RAB25: variants seen among roughly 807,000 people sequenced by gnomAD.
RAB25 encodes ras-related protein Rab-25.
Under a neutral mutation model 25.2 loss-of-function variants are expected in RAB25, and 23 were observed. The observed-to-expected ratio is 0.91, with a 90% confidence interval of 0.66 to 1.29. The LOEUF (loss-of-function observed/expected upper bound fraction) is 1.29, where lower values mean the gene tolerates loss of function less well. Among genes scored for constraint, RAB25 ranks in the 50% most tolerant of loss-of-function variants. RAB25 has a pLI of 0.00. For synonymous variants in RAB25, 102 were observed against 111.5 expected (o/e 0.91, Z 0.54); for missense variants, 244 against 277.3 (o/e 0.88, Z 0.85).
In RAB25 at chr1:156,061,375, A is replaced by G; in HGVS notation, c.-26A>G. The G allele has an allele frequency of 6.2e-7, 1 of 1,613,574 alleles. No homozygotes were observed. Among genetic ancestry groups the G allele is most frequent in the Non-Finnish European group, 8.5e-7 (1 of 1,179,540 alleles). Reference sequence around the variant, plus strand: ...ATTTGTCGCCTCTGTCCCCGAAGACACCTGCACCCTCCATGCGGAGCCAAG... The same window carrying G: ...ATTTGTCGCCTCTGTCCCCGAAGACGCCTGCACCCTCCATGCGGAGCCAAG... On this transcript the variant is annotated 5_prime_UTR_variant, in exon 1 of 5. Coordinates refer to ENST00000361084, the MANE Select transcript of RAB25 (RefSeq NM_020387.4).
intron 1 of RAB25, among the ~76,000 whole-genome samples, chr1:156,065,614 T>C (rs561829853): frequency 6.6e-6 from 1 of 152,232 alleles, no homozygotes; most frequent in Admixed American, 6.5e-5. Context: ...ATGACACTCA[T>C]AAAGAGCCCA....
In RAB25 at chr1:156,061,193, C is replaced by A. The variant is rs557037341; in HGVS notation, c.-208C>A. The A allele has an allele frequency of 1.2e-4, 63 of 541,492 alleles. No individual in the cohort carries two copies. Among genetic ancestry groups the A allele is most frequent in the South Asian group, 6.9e-4 (29 of 42,000 alleles). The allele number at this position is 541,492 out of a possible 1,614,324, so 33.5% of individuals were successfully genotyped here. ...CCGTCCTCTCTGCTTCCTTACAGCA[C>A]CCCCACCTGCCAGAGCTGATCCTCC... On this transcript the variant is annotated 5_prime_UTR_variant, in exon 1 of 5. Transcript: ENST00000361084.
intron 2 of RAB25, 114 bp downstream of exon 2, chr1:156,066,220 G>C: frequency 2.2e-6 from 2 of 901,054 alleles, no homozygotes; most frequent in East Asian, 2.9e-5. Context: ...GTGGGCTCTG[G>C]GGGGTGGGGA....
chr1:156,070,304 C>T lies in RAB25; in HGVS notation c.*17C>T. 1 of 1,610,250 alleles carries T rather than the reference C, an allele frequency of 6.2e-7. No individual in the cohort carries two copies. The highest frequency in any genetic ancestry group is 1.1e-5 in the South Asian group (1 of 90,900). On this transcript the variant is annotated 3_prime_UTR_variant, in exon 5 of 5. Coordinates refer to ENST00000361084, the MANE Select transcript of RAB25 (RefSeq NM_020387.4). ...AGCCTCTGACCTTGGCCAGCACCAC[C>T]TGCCCCCACTGGCTTTTTGGTGCCC...
chr1:156,066,992 T>G (rs561711176), intron 2 of RAB25, among the ~76,000 whole-genome samples: 6 of 150,894 alleles, frequency 4.0e-5, no homozygotes, highest in African/African-American at 1.2e-4. Flanking sequence ...TCCCAGCACT[T>G]TGGGAGGCCG....
chr1:156,065,874 T>C (rs780395614), intron 1 of RAB25, 37 bp from the exon 2 acceptor site: 1 of 1,515,116 alleles, frequency 6.6e-7, no homozygotes, highest in Non-Finnish European at 9.0e-7. Context: ...GGAGCTGCTC[T>C]ACCCCATGCT....
At chr1:156,069,606 A>G (rs1291413046) in intron 3 of RAB25, 65 bp from the exon 4 acceptor site, 3 of 1,282,174 alleles carry the variant, frequency 2.3e-6, no homozygotes, top group Admixed American at 1.7e-5. Flanking sequence ...TATAGCAAAC[A>G]TTAATATTAT....
At position 156,068,278 on chromosome 1, in the gene RAB25, G is replaced by A. The variant is rs772216501; in HGVS notation, c.248G>A (p.Arg83His). Reference sequence around the variant, plus strand: ...TTCTCATTCCCACCCAGGTACTATCGTGGTGCAGTGGGGGCCCTCCTGGTG... The same window carrying A: ...TTCTCATTCCCACCCAGGTACTATCATGGTGCAGTGGGGGCCCTCCTGGTG... ...RYRAITSAYY[R>H]GAVGALLVFD... The change falls in exon 3 of 5, where the codon CGT becomes CAT. Residue 83 changes from arginine (R) to histidine (H), a missense_variant. Coordinates refer to ENST00000361084, the MANE Select transcript of RAB25 (RefSeq NM_020387.4). The A allele has an allele frequency of 8.7e-6, 14 of 1,611,714 alleles. No individual in the cohort carries two copies. The highest frequency in any genetic ancestry group is 4.5e-5 in the East Asian group (2 of 44,826).
intron 1 of RAB25, 147 bp from the exon 2 acceptor site, chr1:156,065,764 T>C (rs2102770059): frequency 1.8e-6 from 1 of 568,796 alleles, no homozygotes. Flanking sequence ...TTATGCAGAG[T>C]TGCAGACTCC....
At chr1:156,069,947 C>T in intron 4 of RAB25, 196 bp downstream of exon 4, 1 of 860,080 alleles carries the variant, frequency 1.2e-6, no homozygotes, top group Non-Finnish European at 1.9e-6. Context: ...GAACAGGCCA[C>T]ACTCCCCATG....
chr1:156,066,006 G>T lies in RAB25; in HGVS notation c.139G>T (p.Val47Phe). The change falls in exon 2 of 5, where the codon GTT becomes TTT. Residue 47 changes from valine to phenylalanine, a missense_variant. Physicochemically the swap from Val to Phe is conservative, Grantham distance 50 (BLOSUM62 -1). Transcript: ENST00000361084. ...CCACGACAGCCGCACCACCATCGGGGTTGAGTTCTCCACCCGCACTGTGAT... is the reference window on the plus strand; with the variant it reads ...CCACGACAGCCGCACCACCATCGGGTTTGAGTTCTCCACCCGCACTGTGAT... Reference protein sequence around the residue: ...FSHDSRTTIGVEFSTRTVMLG... With the variant: ...FSHDSRTTIGFEFSTRTVMLG... 6.2e-7 allele frequency: 1 copy of T among 1,614,014 alleles called. No homozygotes were observed. The highest frequency in any genetic ancestry group is 8.5e-7 in the Non-Finnish European group (1 of 1,179,898).
chr1:156,065,978 C>T lies in RAB25; in HGVS notation c.111C>T (p.Phe37=). ...TCTCCCGATTCACGCGCAATGAGTT[C>T]AGCCACGACAGCCGCACCACCATCG... ...NLLSRFTRNE[F]SHDSRTTIGV... Residue 37 remains phenylalanine (F), a synonymous_variant, in exon 2 of 5, where the codon TTC becomes TTT. Transcript: ENST00000361084. 1 of 1,614,006 alleles carries T rather than the reference C, an allele frequency of 6.2e-7. No individual in the cohort carries two copies. The highest frequency in any genetic ancestry group is 1.1e-5 in the South Asian group (1 of 91,068).
chr1:156,062,214 A>C (rs764406973), intron 1 of RAB25, among the ~76,000 whole-genome samples: 7 of 152,172 alleles, frequency 4.6e-5, no homozygotes, highest in Non-Finnish European at 1.0e-4. Flanking sequence ...ATACATAGGG[A>C]AGACAGAAAA....
At position 156,070,418 on chromosome 1, in the gene RAB25, A is replaced by G; in HGVS notation, c.*131A>G. On this transcript the variant is annotated 3_prime_UTR_variant, in exon 5 of 5. Transcript: ENST00000361084. ...CTGTTCACAGCACCCTCAGGGTCTT[A>G]AGGTCTTCATGCCCTATCACAAATA... 8.1e-7 allele frequency: 1 copy of G among 1,229,776 alleles called. No individual in the cohort carries two copies. Among genetic ancestry groups the G allele is most frequent in the Non-Finnish European group, 1.1e-6 (1 of 889,394 alleles). 76.2% of individuals were successfully genotyped at this position (1,229,776 alleles called of 1,614,324 possible). A position where few individuals can be genotyped will look rare whatever the true frequency, so the allele number is the denominator to read the frequency against.
At chr1:156,068,611 T>C (rs1647821671) in intron 3 of RAB25, 148 bp downstream of exon 3, 2 of 650,646 alleles carry the variant, frequency 3.1e-6, no homozygotes, top group East Asian at 5.6e-5. Context: ...CCTCAGGATT[T>C]CCCAGCACTT....
At chr1:156,069,178 A>G (rs1361732242) in intron 3 of RAB25, among the ~76,000 whole-genome samples, 1 of 151,818 alleles carries the variant, frequency 6.6e-6, no homozygotes, top group East Asian at 1.9e-4. Context: ...CAATTTCCTT[A>G]TTCTTTTTCT....
At chr1:156,062,012 C>A (rs1469806849) in intron 1 of RAB25, among the ~76,000 whole-genome samples, 11 of 151,820 alleles carry the variant, frequency 7.2e-5, no homozygotes, top group Admixed American at 7.2e-4. Context: ...CTGGAACTGA[C>A]CTCATGATCC....
Position 156,068,251 on chromosome 1 carries a change from C to T in RAB25, c.240-19C>T, listed in dbSNP as rs779379077. The T allele has an allele frequency of 2.5e-6, 4 of 1,595,106 alleles. No individual in the cohort carries two copies. The South Asian group carries it at 4.4e-5, about 18-fold the overall frequency. ...TGCCTCTGATCGTATCTCTGTCCAT[C>T]CTTCTCATTCCCACCCAGGTACTAT... On this transcript the variant is annotated intron_variant, in intron 2 of 4. Transcript: ENST00000361084.
intron 1 of RAB25, among the ~76,000 whole-genome samples, chr1:156,064,135 T>TACACACACACACACGCATAC (rs1647670613): frequency 6.6e-6 from 1 of 151,450 alleles, no homozygotes; most frequent in Non-Finnish European, 1.5e-5. Flanking sequence ...CACACACATA[T>TACACACACACACACGCATAC]ACACACACAC....
Sources: allele counts gnomAD v4.1 joint callset (sites outside exome capture counted in the v4.1 genomes callset), GRCh38; gene constraint gnomAD v4.1.1; transcripts MANE v1.5; gene names NCBI Gene and HGNC (gene_info 2026-07-23, HGNC 2026-07-21).